The following PLBD1 variants were observed in gnomAD, a reference collection of about 807,000 sequenced individuals.
PLBD1 encodes lysosomal leucine aminopeptidase.
A neutral mutation model predicts 63.0 loss-of-function variants in PLBD1; 60 were observed. The observed-to-expected ratio is 0.95, with a 90% CI of 0.77 to 1.18. The LOEUF (loss-of-function observed/expected upper bound fraction) is 1.18. PLBD1 is among the 50% of genes most tolerant of loss of function. The pLI is 0.00. For synonymous variants in PLBD1, 262 were observed against 248.0 expected (o/e 1.06, Z -0.53); for missense variants, 598 against 677.9 (o/e 0.88, Z 1.31).
chr12:14,525,508 A>C (rs2136913649), intron 6 of PLBD1, among the ~76,000 whole-genome samples: 1 of 152,094 alleles, frequency 6.6e-6, no homozygotes, highest in East Asian at 1.9e-4. Flanking sequence ...CTGGTGAAAA[A>C]CCCTTACATT....
chr12:14,524,023 G>A (rs576598461), intron 6 of PLBD1, among the ~76,000 whole-genome samples: 1 of 152,168 alleles, frequency 6.6e-6, no homozygotes, highest in South Asian at 2.1e-4. Context: ...GATGAGCCCT[G>A]AGGGCATTAT....
Position 14,540,758 on chromosome 12 carries a change from T to G in PLBD1, c.558+6A>C, listed in dbSNP as rs554137436. The G allele has an allele frequency of 1.3e-6, 2 of 1,568,760 alleles. No individual in the cohort carries two copies. Among genetic ancestry groups the G allele is most frequent in the Non-Finnish European group, 1.7e-6 (2 of 1,151,796 alleles). Reference sequence around the variant, plus strand: ...TAAATTCTGAGAAGCTTGTTTAAAGTCCTACCTTTGTCCCTTCTAATATAG... The same window carrying G: ...TAAATTCTGAGAAGCTTGTTTAAAGGCCTACCTTTGTCCCTTCTAATATAG... On this transcript the variant is annotated splice_donor_region_variant and intron_variant, in intron 4 of 10. Coordinates refer to ENST00000240617, the MANE Select transcript of PLBD1 (RefSeq NM_024829.6).
intron 6 of PLBD1, among the ~76,000 whole-genome samples, chr12:14,534,699 A>G (rs1945498077): frequency 6.6e-6 from 1 of 151,900 alleles, no homozygotes; most frequent in Admixed American, 6.6e-5. Flanking sequence ...GCCCGCCACC[A>G]CGCCTGGCTA....
chr12:14,567,667 C>A lies in PLBD1; in HGVS notation c.30G>T (p.Pro10=), dbSNP rs559321681. ...GAAGCGGTGGCGGCTGTGGCAGCCC[C>A]GGGCGCCCGCCCGGACCGCCGCGGG... MTRGGPGGR[P]GLPQPPPLLL... is the part of the protein sequence containing the mutation. Residue 10 remains proline, a synonymous_variant, in exon 1 of 11, where the codon CCG becomes CCT. Transcript: ENST00000240617. 275 of 1,484,826 alleles carry A rather than the reference C, an allele frequency of 1.9e-4. 1 individual carries two copies. In the African/African-American group the frequency reaches 3.6e-3, roughly 19 times the overall value. 92.0% of individuals were successfully genotyped at this position (1,484,826 alleles called of 1,614,324 possible). A position where few individuals can be genotyped will look rare whatever the true frequency, so the allele number is the denominator to read the frequency against.
At chr12:14,539,785 A>C (rs1402212500) in intron 4 of PLBD1, among the ~76,000 whole-genome samples, 1 of 134,160 alleles carries the variant, frequency 7.5e-6, no homozygotes, top group African/African-American at 3.2e-5. Context: ...GACTCTGACT[A>C]AAAAAAAAAA....
Position 14,540,701 on chromosome 12 carries a change from A to G in PLBD1, c.558+63T>C. On this transcript the variant is annotated intron_variant, in intron 4 of 10. Transcript: ENST00000240617. ...GCTTCTAAATTGGAATGTTATTTTA[A>G]AGATAACATTCAATATTCTTACCAT... is the stretch of plus-strand genomic sequence containing the variant. 3 of 1,411,836 alleles carry G rather than the reference A, an allele frequency of 2.1e-6. No homozygotes were observed. The South Asian group carries it at 5.2e-5, about 24-fold the overall frequency. 87.5% of individuals were successfully genotyped at this position (1,411,836 alleles called of 1,614,324 possible).
chr12:14,552,815 A>C (rs1445970289), intron 2 of PLBD1, among the ~76,000 whole-genome samples: 1 of 152,216 alleles, frequency 6.6e-6, no homozygotes, highest in Non-Finnish European at 1.5e-5. Flanking sequence ...AGAATTAAAG[A>C]GTGCCACACT....
intron 8 of PLBD1, among the ~76,000 whole-genome samples, chr12:14,509,869 T>C (rs1318165704): frequency 6.6e-6 from 1 of 152,202 alleles, no homozygotes; most frequent in African/African-American, 2.4e-5. Flanking sequence ...ACATTTTCTC[T>C]CAATAAATCT....
intron 3 of PLBD1, among the ~76,000 whole-genome samples, chr12:14,541,388 T>C (rs575177449): frequency 1.6e-4 from 25 of 152,360 alleles, no homozygotes; most frequent in Admixed American, 3.9e-4. Context: ...TCCGTTTCAG[T>C]TGTTATTAGT....
At chr12:14,558,540 G>A (rs1001865071) in intron 1 of PLBD1, among the ~76,000 whole-genome samples, 2 of 152,110 alleles carry the variant, frequency 1.3e-5, no homozygotes, top group Non-Finnish European at 2.9e-5. Context: ...AAGTGTGGCT[G>A]CTGGAATAAA....
chr12:14,567,103 C>A (rs901644932), intron 1 of PLBD1, among the ~76,000 whole-genome samples: 2 of 152,116 alleles, frequency 1.3e-5, no homozygotes, highest in Non-Finnish European at 2.9e-5. Flanking sequence ...TCAACAACAA[C>A]AACAAAACCA....
chr12:14,557,693 GGAA>G (rs1315942732), intron 1 of PLBD1, among the ~76,000 whole-genome samples: 1 of 152,070 alleles, frequency 6.6e-6, no homozygotes, highest in Non-Finnish European at 1.5e-5. Flanking sequence ...CAGGGTGGAG[GGAA>G]GAAGGAGAGA....
rs1433967885 is a variant in PLBD1 at position 14,507,019 on chromosome 12, T to C, written c.1286A>G (p.Asp429Gly). 4.3e-6 allele frequency: 7 copies of C among 1,613,944 alleles called. No homozygotes were observed. In the South Asian group the frequency reaches 5.5e-5, roughly 13 times the overall value. Residue 429 changes from aspartate (D) to glycine (G), a missense_variant, in exon 9 of 11, where the codon GAT becomes GGT. Coordinates refer to ENST00000240617, the MANE Select transcript of PLBD1 (RefSeq NM_024829.6). ...GAAAATTTTGGCTCGTGGAGCTAAA[T>C]CATAAGAGTAGTCCAAGCCCAGCTT... Reference protein sequence around the residue: ...VQKLGLDYSYDLAPRAKIFRR... With the variant: ...VQKLGLDYSYGLAPRAKIFRR...
At chr12:14,557,653 G>C (rs1038556123) in intron 1 of PLBD1, among the ~76,000 whole-genome samples, 7 of 152,058 alleles carry the variant, frequency 4.6e-5, no homozygotes, top group Admixed American at 2.0e-4. Flanking sequence ...TGGACACATA[G>C]AAGGGAACAA....
Position 14,547,448 on chromosome 12 carries a change from G to A in PLBD1, c.336-5157C>T, listed in dbSNP as rs553787763. Among the ~76,000 whole-genome samples, 4 of 152,204 alleles carry A rather than the reference G, an allele frequency of 2.6e-5. No individual in the cohort carries two copies. In the East Asian group the frequency reaches 7.7e-4, roughly 29 times the overall value. On this transcript the variant is annotated intron_variant, in intron 2 of 10. Coordinates refer to ENST00000240617, the MANE Select transcript of PLBD1 (RefSeq NM_024829.6). ...TGTAACATTAAAGAATCCAGGCTTT[G>A]AGCTCTGAGTTTAAAGCTTGACTCC...
chr12:14,536,349 T>A (rs878980728), intron 5 of PLBD1, among the ~76,000 whole-genome samples: 1 of 151,036 alleles, frequency 6.6e-6, no homozygotes, highest in South Asian at 2.1e-4. Context: ...GAGTGGCAGG[T>A]GCATACAGCA....
intron 6 of PLBD1, among the ~76,000 whole-genome samples, chr12:14,523,996 T>C (rs985991707): frequency 6.6e-6 from 1 of 152,142 alleles, no homozygotes; most frequent in African/African-American, 2.4e-5. Context: ...TCAAATTATG[T>C]CATGTGTAGC....
At chr12:14,563,969 T>A (rs987979282) in intron 1 of PLBD1, among the ~76,000 whole-genome samples, 1 of 152,234 alleles carries the variant, frequency 6.6e-6, no homozygotes, top group East Asian at 1.9e-4. Flanking sequence ...CCAGGTGCAG[T>A]GGCGGTCGCC....
chr12:14,511,176 C>A (rs1402195465), intron 8 of PLBD1, 84 bp downstream of exon 8: 37 of 1,167,354 alleles, frequency 3.2e-5, no homozygotes, highest in Admixed American at 4.8e-5. Flanking sequence ...CCCCACCACA[C>A]ATTCACACAA....
Sources: gnomAD v4.1 joint callset for allele counts (sites outside exome capture counted in the v4.1 genomes callset) on GRCh38, gnomAD v4.1.1 for gene constraint, MANE v1.5 for transcripts, NCBI Gene and HGNC (gene_info 2026-07-23, HGNC 2026-07-21) for gene names.